The following SORL1 variants were observed in gnomAD, a reference collection of about 807,000 sequenced individuals.
The protein encoded by SORL1 is sortilin-related receptor.
In SORL1, 127 loss-of-function variants were observed where a neutral mutation model predicts 273.7. That is an observed-to-expected ratio of 0.46 (90% CI 0.40 to 0.54). The LOEUF (loss-of-function observed/expected upper bound fraction) is 0.54, where lower values mean the gene tolerates loss of function less well. Ranked by LOEUF, SORL1 falls within the 20% of genes least tolerant of loss-of-function variation. The pLI is 0.00. For synonymous variants in SORL1, 1,031 were observed against 1,067.4 expected (o/e 0.97, Z 0.66); for missense variants, 2,494 against 2,846.1 (o/e 0.88, Z 2.81).
intron 6 of SORL1, among the ~76,000 whole-genome samples, chr11:121,505,089 T>A (rs1354961752): frequency 6.6e-6 from 1 of 152,188 alleles, no homozygotes; most frequent in Non-Finnish European, 1.5e-5. Flanking sequence ...TCCTTTAATT[T>A]GTTTGGCAGA....
chr11:121,535,413 C>T (rs750661420), intron 12 of SORL1, among the ~76,000 whole-genome samples: 2 of 152,324 alleles, frequency 1.3e-5, no homozygotes, highest in South Asian at 2.1e-4. Flanking sequence ...TACAATGAAG[C>T]GGATGCTGTG....
chr11:121,517,683 C>T (rs1255523593), intron 8 of SORL1, among the ~76,000 whole-genome samples: 2 of 152,194 alleles, frequency 1.3e-5, no homozygotes, highest in African/African-American at 4.8e-5. Context: ...GAAGGCCTCC[C>T]CTCCTTGCCT....
At chr11:121,570,981 C>G (rs938866888) in intron 23 of SORL1, among the ~76,000 whole-genome samples, 6 of 152,082 alleles carry the variant, frequency 3.9e-5, no homozygotes, top group African/African-American at 1.4e-4. Context: ...GATGATTTGC[C>G]CTTTTGTCAG....
Position 121,625,072 on chromosome 11 carries a change from T to G in SORL1, c.6172-13T>G. ...ATTCGACTTCCTGAGCAATCTCTTG[T>G]GTTTGTTTTCAGGGCTATGAGATAC... On this transcript the variant is annotated splice_polypyrimidine_tract_variant and intron_variant, in intron 45 of 47. Coordinates refer to ENST00000260197, the MANE Select transcript of SORL1 (RefSeq NM_003105.6). 1.3e-6 allele frequency: 2 copies of G among 1,591,252 alleles called. No individual in the cohort carries two copies. Among genetic ancestry groups the G allele is most frequent in the Non-Finnish European group, 1.7e-6 (2 of 1,162,962 alleles).
At chr11:121,454,009 A>G (rs1860859250) in intron 1 of SORL1, among the ~76,000 whole-genome samples, 1 of 152,254 alleles carries the variant, frequency 6.6e-6, no homozygotes, top group South Asian at 2.1e-4. Flanking sequence ...TGTGTGCCCC[A>G]GGGCATGTAA....
rs1860831504 is a variant in SORL1 at position 121,452,921 on chromosome 11, A to C, written c.285+305A>C. On this transcript the variant is annotated intron_variant, in intron 1 of 47. Transcript: ENST00000260197. The surrounding 1 kb of genome is among the most constrained non-coding windows in gnomAD (Gnocchi z 5.3). ...TAGGAGGGGTGCAGCTTCATTTTAC[A>C]TCTGGATAAAAAACGGGCTTTCTTT... 9.6e-6 allele frequency: 3 copies of C among 313,622 alleles called. No homozygotes were observed. Among genetic ancestry groups the C allele is most frequent in the African/African-American group, 2.1e-5 (1 of 46,762 alleles). The allele number at this position is 313,622 out of a possible 1,614,324, so 19.4% of individuals were successfully genotyped here. A position where few individuals can be genotyped will look rare whatever the true frequency, so the allele number is the denominator to read the frequency against.
intron 6 of SORL1, among the ~76,000 whole-genome samples, chr11:121,505,106 C>T (rs1861768098): frequency 2.0e-5 from 3 of 152,070 alleles, no homozygotes; most frequent in Non-Finnish European, 1.5e-5. Flanking sequence ...CAGAATTTAC[C>T]ATCTTTGTGG....
chr11:121,500,712 G>A (rs1192854848), intron 6 of SORL1, among the ~76,000 whole-genome samples: 1 of 152,160 alleles, frequency 6.6e-6, no homozygotes, highest in African/African-American at 2.4e-5. Context: ...AACTGGAATC[G>A]CAATGTCTTG....
At chr11:121,519,058 C>A (rs1273310453) in intron 8 of SORL1, among the ~76,000 whole-genome samples, 1 of 150,814 alleles carries the variant, frequency 6.6e-6, no homozygotes. Flanking sequence ...AGCGATTCTC[C>A]TGCCTCAGCC....
At chr11:121,629,415 GA>G in intron 47 of SORL1, 80 bp from the exon 48 acceptor site, 1 of 787,650 alleles carries the variant, frequency 1.3e-6, no homozygotes, top group Non-Finnish European at 2.3e-6. Flanking sequence ...TGGTAGGGTT[GA>G]GGGGTGGGTA....
intron 1 of SORL1, among the ~76,000 whole-genome samples, chr11:121,462,527 C>T (rs1380383366): frequency 6.6e-6 from 1 of 152,148 alleles, no homozygotes; most frequent in Non-Finnish European, 1.5e-5. Flanking sequence ...TTGTTTAATG[C>T]GTGTTTTCCC....
intron 1 of SORL1, among the ~76,000 whole-genome samples, chr11:121,457,665 A>G (rs1860929542): frequency 6.6e-6 from 1 of 152,120 alleles, no homozygotes; most frequent in African/African-American, 2.4e-5. Flanking sequence ...TTCTCCTTTC[A>G]CTTCAAGCGT....
chr11:121,581,227 C>T (rs1863010922), intron 25 of SORL1, among the ~76,000 whole-genome samples: 1 of 152,178 alleles, frequency 6.6e-6, no homozygotes, highest in South Asian at 2.1e-4. Context: ...TCTTTATAGT[C>T]TAGCGCTTTG....
rs1364424459 is a variant in SORL1, at chr11:121,604,191, A to G, written c.4520-2A>G. On this transcript the variant is annotated splice_acceptor_variant, in intron 32 of 47. Transcript: ENST00000260197. LOFTEE classifies it high-confidence loss of function. ...GACTTAAGAAGCCTCTCTGTGTTTC[A>G]GCCACACACAGCACCTTGACTTGCA... 2 of 1,613,860 alleles carry G rather than the reference A, an allele frequency of 1.2e-6. No individual in the cohort carries two copies. The highest frequency in any genetic ancestry group is 1.7e-6 in the Non-Finnish European group (2 of 1,179,970).
chr11:121,604,097 A>G (rs2134921026), intron 32 of SORL1, 96 bp from the exon 33 acceptor site: 2 of 1,475,180 alleles, frequency 1.4e-6, no homozygotes, highest in South Asian at 2.5e-5. Flanking sequence ...AGCAGAAGCC[A>G]ATTAGTACTT....
chr11:121,604,044 C>A, intron 32 of SORL1, 149 bp from the exon 33 acceptor site: 1 of 928,118 alleles, frequency 1.1e-6, no homozygotes, highest in South Asian at 1.7e-5. Context: ...ACCTTAGTGC[C>A]GGTATAGATT....
At chr11:121,503,085 G>T (rs755460240) in intron 6 of SORL1, among the ~76,000 whole-genome samples, 5 of 152,094 alleles carry the variant, frequency 3.3e-5, no homozygotes, top group African/African-American at 1.2e-4. Flanking sequence ...GCCCAGGCTG[G>T]TCTCAAACTC....
intron 41 of SORL1, among the ~76,000 whole-genome samples, chr11:121,616,275 C>A (rs1863639137): frequency 6.6e-6 from 1 of 152,198 alleles, no homozygotes; most frequent in Non-Finnish European, 1.5e-5. Flanking sequence ...CATCTCAGCT[C>A]ATGCACTGGT....
At chr11:121,569,009 C>T (rs1699106) in intron 22 of SORL1, among the ~76,000 whole-genome samples, 64,133 of 152,086 alleles carry the variant, frequency 0.42, 16,401 homozygotes, top group Non-Finnish European at 0.59. Flanking sequence ...GGCAGAAGAA[C>T]GTGGATTGTG....
Sources: gnomAD v4.1 joint callset for allele counts (sites outside exome capture counted in the v4.1 genomes callset) on GRCh38, gnomAD v4.1.1 for gene constraint, Gnocchi (gnomAD v3.1) non-coding constraint, MANE v1.5 for transcripts, NCBI Gene and HGNC (gene_info 2026-07-23, HGNC 2026-07-21) for gene names.